SND1: variants seen among roughly 807,000 people sequenced by gnomAD.
SND1 encodes staphylococcal nuclease domain-containing protein 1.
SND1 carries 38 observed loss-of-function variants against 121.7 expected under a neutral mutation model. That is an observed-to-expected ratio of 0.31 (90% confidence interval 0.24 to 0.41). SND1 has a LOEUF of 0.41. Ranked by LOEUF, SND1 falls within the 10% of genes least tolerant of loss-of-function variation. The pLI is 1.00. For missense variants in SND1, 868 were observed against 1,184.6 expected (o/e 0.73, Z 3.92); for synonymous variants, 401 against 447.4 (o/e 0.90, Z 1.31).
At chr7:127,797,663 T>A (rs919450457) in intron 10 of SND1, among the ~76,000 whole-genome samples, 1 of 152,230 alleles carries the variant, frequency 6.6e-6, no homozygotes, top group Non-Finnish European at 1.5e-5. Flanking sequence ...TCAGTGGGTG[T>A]GGGAGCCACT....
chr7:127,929,120 A>G (rs1368706861), intron 14 of SND1, 68 bp from the exon 15 acceptor site: 2 of 1,541,112 alleles, frequency 1.3e-6, no homozygotes, highest in East Asian at 2.3e-5. Flanking sequence ...TTTTTGTCCT[A>G]GACTATAAAG....
chr7:128,020,783 A>G (rs1005592136), intron 16 of SND1, among the ~76,000 whole-genome samples: 2 of 152,196 alleles, frequency 1.3e-5, no homozygotes, highest in African/African-American at 2.4e-5. Context: ...ATGAAACAGC[A>G]AGCGCACAGA....
intron 16 of SND1, chr7:127,999,746 C>T (rs1413093755): frequency 6.6e-6 from 1 of 152,134 alleles, no homozygotes. Context: ...ACCCTTGCCA[C>T]TCATGGTATT....
intron 15 of SND1, among the ~76,000 whole-genome samples, chr7:127,947,057 G>A (rs959007815): frequency 1.3e-5 from 2 of 152,096 alleles, no homozygotes; most frequent in East Asian, 1.9e-4. Context: ...CTTAAAAGGC[G>A]ACTCATGGCA....
intron 3 of SND1, among the ~76,000 whole-genome samples, chr7:127,696,363 A>C (rs1172391350): frequency 6.6e-6 from 1 of 152,190 alleles, no homozygotes; most frequent in African/African-American, 2.4e-5. Context: ...TTCTTATTTG[A>C]ATGAGAAATT....
intron 2 of SND1, among the ~76,000 whole-genome samples, chr7:127,688,093 A>G (rs1451325436): frequency 6.6e-6 from 1 of 152,172 alleles, no homozygotes; most frequent in Non-Finnish European, 1.5e-5. Context: ...GGGAGTTTTA[A>G]AAATCAGTTT....
intron 10 of SND1, among the ~76,000 whole-genome samples, chr7:127,765,269 A>C (rs1351161816): frequency 3.3e-5 from 5 of 152,140 alleles, no homozygotes; most frequent in African/African-American, 1.2e-4. Context: ...TTTAACAGTC[A>C]ACCATTGAGC....
intron 16 of SND1, among the ~76,000 whole-genome samples, chr7:128,007,057 G>A (rs1802996777): frequency 6.6e-6 from 1 of 152,206 alleles, no homozygotes; most frequent in African/African-American, 2.4e-5. Context: ...GCTGTGTCAG[G>A]TAGCTCTGCA....
Position 127,701,306 on chromosome 7 carries a change from A to G in SND1, c.572A>G (p.His191Arg). 1.2e-6 allele frequency: 2 copies of G among 1,613,968 alleles called. No individual in the cohort carries two copies. Among genetic ancestry groups the G allele is most frequent in the Non-Finnish European group, 1.7e-6 (2 of 1,179,906 alleles). ...CCAAGGCACTTTGTGGACTCACACC[A>G]CCAGAAGCCTGTTAATGGTGAGGCT... ...ENPRHFVDSHHQKPVNAIIEH... is the reference protein window; with the variant it reads ...ENPRHFVDSHRQKPVNAIIEH... Residue 191 changes from histidine (H) to arginine (R), a missense_variant, in exon 5 of 24, where the codon CAC (histidine) becomes CGC (arginine). By Grantham distance (29) the His-to-Arg change is conservative (BLOSUM62 0). Transcript: ENST00000354725.
At chr7:127,949,681 A>C (rs1801417446) in intron 15 of SND1, among the ~76,000 whole-genome samples, 1 of 152,150 alleles carries the variant, frequency 6.6e-6, no homozygotes, top group African/African-American at 2.4e-5. Flanking sequence ...CCTGAGAACA[A>C]AATTTCTTTT....
chr7:127,919,451 T>C (rs1278064472), intron 14 of SND1, among the ~76,000 whole-genome samples: 1 of 152,222 alleles, frequency 6.6e-6, no homozygotes, highest in Non-Finnish European at 1.5e-5. Context: ...TTTCTGGTTC[T>C]GTAATAAGTT....
intron 9 of SND1, among the ~76,000 whole-genome samples, chr7:127,708,381 T>G (rs1477721984): frequency 2.0e-5 from 3 of 147,556 alleles, no homozygotes; most frequent in Non-Finnish European, 4.5e-5. Context: ...CTTTCTTCCT[T>G]CCTTCCTTCT....
chr7:127,997,909 C>T (rs760587527), intron 16 of SND1: 4 of 534,682 alleles, frequency 7.5e-6, no homozygotes, highest in Non-Finnish European at 1.5e-5. Context: ...GCTTCCCTTG[C>T]TCTCCCAGGC....
At chr7:128,021,977 G>A (rs1803358724) in intron 16 of SND1, among the ~76,000 whole-genome samples, 1 of 152,124 alleles carries the variant, frequency 6.6e-6, no homozygotes, top group Admixed American at 6.5e-5. Context: ...CCCAAGGTGG[G>A]CGGATTGCCT....
chr7:127,825,459 G>A (rs1798625945), intron 11 of SND1, among the ~76,000 whole-genome samples: 1 of 150,210 alleles, frequency 6.7e-6, no homozygotes, highest in South Asian at 2.1e-4. Context: ...CCAGGCTGAA[G>A]TGTAGTGGTA....
intron 10 of SND1, among the ~76,000 whole-genome samples, chr7:127,753,160 A>G (rs1035834673): frequency 6.6e-6 from 1 of 152,200 alleles, no homozygotes; most frequent in African/African-American, 2.4e-5. Context: ...CTGCTCTTGG[A>G]TAATGAATTC....
chr7:127,662,772 G>C (rs571389705), intron 1 of SND1, among the ~76,000 whole-genome samples: 1 of 151,954 alleles, frequency 6.6e-6, no homozygotes, highest in Non-Finnish European at 1.5e-5. Flanking sequence ...AATAATTACT[G>C]TTGTCCCTTG....
chr7:127,729,226 A>T (rs1220141677), intron 10 of SND1, among the ~76,000 whole-genome samples: 2 of 152,080 alleles, frequency 1.3e-5, no homozygotes, highest in Non-Finnish European at 2.9e-5. Flanking sequence ...CTTTCATAGT[A>T]GTTCAGGTAT....
intron 17 of SND1, among the ~76,000 whole-genome samples, chr7:128,077,454 G>A (rs1439673454): frequency 1.3e-5 from 2 of 152,208 alleles, no homozygotes; most frequent in East Asian, 3.9e-4. Flanking sequence ...CCAAAGTGTA[G>A]AGGGGACCCG....
Sources: gnomAD v4.1 joint callset for allele counts (sites outside exome capture counted in the v4.1 genomes callset) on GRCh38, gnomAD v4.1.1 for gene constraint, MANE v1.5 for transcripts, NCBI Gene and HGNC (gene_info 2026-07-23, HGNC 2026-07-21) for gene names.